Variants in MNAT1 observed in about 807,000 individuals in gnomAD.
The protein encoded by MNAT1 is CDK-activating kinase assembly factor MAT1.
Under a neutral mutation model 42.0 loss-of-function variants are expected in MNAT1, and 43 were observed. The ratio of observed to expected loss-of-function variants is 1.02; its 90% CI spans 0.80 to 1.32. The LOEUF (loss-of-function observed/expected upper bound fraction) is 1.32. Among genes scored for constraint, MNAT1 ranks in the 40% most tolerant of loss-of-function variants. The probability of loss-of-function intolerance (pLI) is 0.00; values close to 1 mark genes in which losing one functional copy is unlikely to be tolerated. For synonymous variants in MNAT1, 118 were observed against 120.0 expected (o/e 0.98, Z 0.11); for missense variants, 306 against 350.4 (o/e 0.87, Z 1.01).
chr14:60,783,653 C>T (rs1322863768), intron 1 of MNAT1, among the ~76,000 whole-genome samples: 3 of 151,596 alleles, frequency 2.0e-5, no homozygotes, highest in African/African-American at 2.4e-5. Flanking sequence ...CCTGCCACCA[C>T]GCCCAGCTAA....
At chr14:60,910,204 T>C (rs1594860414) in intron 7 of MNAT1, among the ~76,000 whole-genome samples, 2 of 152,370 alleles carry the variant, frequency 1.3e-5, no homozygotes, top group East Asian at 1.9e-4. Context: ...AAGTTGCTTA[T>C]CAGCTTAAGG....
At chr14:60,941,279 T>G (rs1432932204) in intron 7 of MNAT1, among the ~76,000 whole-genome samples, 1 of 152,242 alleles carries the variant, frequency 6.6e-6, no homozygotes, top group African/African-American at 2.4e-5. Flanking sequence ...GAAATTGTAT[T>G]AATGAATTTA....
At chr14:60,803,784 A>G (rs536764613) in intron 3 of MNAT1, among the ~76,000 whole-genome samples, 3 of 152,198 alleles carry the variant, frequency 2.0e-5, no homozygotes, top group African/African-American at 7.2e-5. Flanking sequence ...ATTTTGTTGT[A>G]TAAATTTCAT....
intron 1 of MNAT1, among the ~76,000 whole-genome samples, chr14:60,790,125 G>A (rs1446163781): frequency 6.6e-6 from 1 of 152,044 alleles, no homozygotes; most frequent in African/African-American, 2.4e-5. Context: ...AGATTTTTAG[G>A]CTAGAAATAG....
chr14:60,773,273 T>A (rs1322835910), intron 1 of MNAT1, among the ~76,000 whole-genome samples: 1 of 152,144 alleles, frequency 6.6e-6, no homozygotes, highest in Non-Finnish European at 1.5e-5. Flanking sequence ...TGTGATAGAC[T>A]GTAGAGAAAC....
At chr14:60,749,008 G>C (rs1408078872) in intron 1 of MNAT1, among the ~76,000 whole-genome samples, 1 of 152,192 alleles carries the variant, frequency 6.6e-6, no homozygotes, top group Non-Finnish European at 1.5e-5. Context: ...ATGTTAGGAT[G>C]GCTACGAAGT....
chr14:60,962,233 C>A (rs2036606702), intron 7 of MNAT1, among the ~76,000 whole-genome samples: 1 of 152,124 alleles, frequency 6.6e-6, no homozygotes, highest in Non-Finnish European at 1.5e-5. Context: ...TGAAATTAGA[C>A]AAACATTGTA....
At chr14:60,928,869 C>T (rs954521749) in intron 7 of MNAT1, among the ~76,000 whole-genome samples, 2 of 151,602 alleles carry the variant, frequency 1.3e-5, no homozygotes, top group African/African-American at 4.8e-5. Context: ...TGGCTGGGCA[C>T]AGTGGCTCAT....
chr14:60,847,072 A>G (rs923514370), intron 6 of MNAT1, among the ~76,000 whole-genome samples: 8 of 152,116 alleles, frequency 5.3e-5, no homozygotes, highest in Non-Finnish European at 8.8e-5. Flanking sequence ...TATCATTATG[A>G]AATGCTTTTG....
At chr14:60,899,062 G>A (rs2035022013) in intron 7 of MNAT1, among the ~76,000 whole-genome samples, 1 of 152,036 alleles carries the variant, frequency 6.6e-6, no homozygotes, top group South Asian at 2.1e-4. Flanking sequence ...TTATTAATTG[G>A]CCGTAAACAT....
intron 6 of MNAT1, among the ~76,000 whole-genome samples, chr14:60,868,812 A>G (rs1412231124): frequency 6.6e-6 from 1 of 152,032 alleles, no homozygotes; most frequent in African/African-American, 2.4e-5. Context: ...GTAATGAATA[A>G]GTGAAAAGAA....
intron 6 of MNAT1, among the ~76,000 whole-genome samples, chr14:60,856,901 G>A (rs1369265390): frequency 6.6e-6 from 1 of 152,096 alleles, no homozygotes; most frequent in Non-Finnish European, 1.5e-5. Flanking sequence ...GGCTGGTCTC[G>A]AACTCCTCAC....
intron 6 of MNAT1, among the ~76,000 whole-genome samples, chr14:60,827,658 C>T (rs917056283): frequency 1.3e-5 from 2 of 152,252 alleles, no homozygotes. Flanking sequence ...ATAATTTGCA[C>T]TTAGGTAGTA....
chr14:60,913,207 T>TA (rs2035423329), intron 7 of MNAT1, among the ~76,000 whole-genome samples: 1 of 152,210 alleles, frequency 6.6e-6, no homozygotes, highest in Non-Finnish European at 1.5e-5. Context: ...CTGCATTGGT[T>TA]ATTCTAGTTG....
intron 7 of MNAT1, among the ~76,000 whole-genome samples, chr14:60,882,334 T>C (rs1415185349): frequency 6.6e-6 from 1 of 152,206 alleles, no homozygotes; most frequent in Non-Finnish European, 1.5e-5. Flanking sequence ...CATGCTAAGT[T>C]TGTCTTTCTG....
At chr14:60,813,715 C>A (rs762771050) in intron 5 of MNAT1, among the ~76,000 whole-genome samples, 2 of 152,140 alleles carry the variant, frequency 1.3e-5, no homozygotes, top group Non-Finnish European at 2.9e-5. Flanking sequence ...TTGGGATACT[C>A]AGTCTCTATC....
intron 6 of MNAT1, among the ~76,000 whole-genome samples, chr14:60,872,240 T>C (rs1340303816): frequency 6.6e-6 from 1 of 152,106 alleles, no homozygotes; most frequent in African/African-American, 2.4e-5. Flanking sequence ...CGTGAACTAA[T>C]AGAGAATTTG....
chr14:60,851,551 C>T lies in MNAT1; in HGVS notation c.688-28163C>T, dbSNP rs4151261. ...TATTATTATTAATATTTTTATTTTA[C>T]TTTAAGTTCCGGCATACATTTACAG... On this transcript the variant is annotated intron_variant, in intron 6 of 7. Transcript: ENST00000261245. Among the ~76,000 whole-genome samples the T allele has an allele frequency of 5.1e-3, 779 of 152,182 alleles. 14 individuals are homozygous for T. Among genetic ancestry groups the T allele is most frequent in the African/African-American group, 0.018 (731 of 41,516 alleles).
chr14:60,897,437 C>G (rs2034980037), intron 7 of MNAT1, among the ~76,000 whole-genome samples: 1 of 151,942 alleles, frequency 6.6e-6, no homozygotes, highest in Admixed American at 6.6e-5. Context: ...TATGATATTT[C>G]AGAATGCCTT....
Sources: allele counts gnomAD v4.1 joint callset (sites outside exome capture counted in the v4.1 genomes callset), GRCh38; gene constraint gnomAD v4.1.1; transcripts MANE v1.5; gene names NCBI Gene and HGNC (gene_info 2026-07-23, HGNC 2026-07-21).